Variants in GPC6 observed in about 807,000 individuals in gnomAD.
The protein encoded by GPC6 is glypican 6.
GPC6 carries 14 observed loss-of-function variants against 55.2 expected under a neutral mutation model. The observed-to-expected ratio is 0.25, with a 90% CI of 0.17 to 0.40. GPC6 has a LOEUF of 0.40. Among genes scored for constraint, GPC6 ranks in the 10% least tolerant of loss-of-function variants. GPC6 has a pLI of 1.00. For missense variants in GPC6, 641 were observed against 708.5 expected, an observed-to-expected ratio of 0.90 and a Z score of 1.08; for synonymous variants, 278 against 259.6, an observed-to-expected ratio of 1.07 and a Z score of -0.68.
rs9561540 is a variant in GPC6, at chr13:94,346,203, A to G, written c.1153-36211A>G. Among the ~76,000 whole-genome samples, 4 of 152,248 alleles carry G rather than the reference A, an allele frequency of 2.6e-5. No homozygotes were observed. In the East Asian group the frequency reaches 7.7e-4, roughly 29 times the overall value. The stretch of plus-strand genomic sequence containing the variant: ...AAAGACGTTATTTCTCACCTTCCAT[A>G]CTGAGGTTCCTGGGATTAAGACTTC... On this transcript the variant is annotated intron_variant, in intron 6 of 8. Coordinates refer to ENST00000377047, the MANE Select transcript of GPC6 (RefSeq NM_005708.5).
At chr13:93,737,087 TTTA>T (rs1884030640) in intron 2 of GPC6, among the ~76,000 whole-genome samples, 1 of 152,218 alleles carries the variant, frequency 6.6e-6, no homozygotes, top group Non-Finnish European at 1.5e-5. Context: ...GTTGTACCTT[TTTA>T]TTTTCTTTCT....
intron 2 of GPC6, among the ~76,000 whole-genome samples, 184 bp from the exon 3 acceptor site, chr13:93,829,970 C>G (rs1347450517): frequency 6.6e-6 from 1 of 152,152 alleles, no homozygotes; most frequent in Non-Finnish European, 1.5e-5. Flanking sequence ...TTGAGTTGTA[C>G]AAGGTCATAG....
chr13:93,848,382 T>C (rs1312304639), intron 3 of GPC6, among the ~76,000 whole-genome samples: 1 of 152,066 alleles, frequency 6.6e-6, no homozygotes, highest in African/African-American at 2.4e-5. Flanking sequence ...CCTCTCTATA[T>C]TTCTCCCTTT....
chr13:93,738,440 C>T (rs1282070522), intron 2 of GPC6, among the ~76,000 whole-genome samples: 1 of 152,084 alleles, frequency 6.6e-6, no homozygotes, highest in Admixed American at 6.5e-5. Flanking sequence ...ATATTAGTTT[C>T]CCATAGCTTC....
chr13:93,620,599 A>G lies in GPC6; in HGVS notation c.319+75178A>G, dbSNP rs550986581. Among the ~76,000 whole-genome samples the G allele has an allele frequency of 2.6e-5, 4 of 152,334 alleles. No homozygotes were observed. The East Asian group carries it at 5.8e-4, about 22-fold the overall frequency. On this transcript the variant is annotated intron_variant, in intron 2 of 8. Coordinates refer to ENST00000377047, the MANE Select transcript of GPC6 (RefSeq NM_005708.5). ...GATGTTTTCAATTACCATTAAGTTC[A>G]TTGTTGGTCTGATGTTAGCAGCTTA...
chr13:93,504,018 T>G (rs899525329), intron 1 of GPC6, among the ~76,000 whole-genome samples: 1 of 152,168 alleles, frequency 6.6e-6, no homozygotes, highest in Non-Finnish European at 1.5e-5. Context: ...TTTTGATTGT[T>G]TTTTGATTAA....
intron 1 of GPC6, among the ~76,000 whole-genome samples, chr13:93,266,576 A>G (rs1054702280): frequency 6.6e-6 from 1 of 152,212 alleles, no homozygotes; most frequent in East Asian, 1.9e-4. Flanking sequence ...TCCATACAGC[A>G]TAGCCTATGT....
intron 2 of GPC6, among the ~76,000 whole-genome samples, chr13:93,603,111 G>A (rs2139527069): frequency 6.6e-6 from 1 of 152,178 alleles, no homozygotes; most frequent in Non-Finnish European, 1.5e-5. Flanking sequence ...CTGGGCTCAA[G>A]CAATCTTCCC....
chr13:93,535,783 G>T (rs1303264932), intron 1 of GPC6, among the ~76,000 whole-genome samples: 1 of 151,410 alleles, frequency 6.6e-6, no homozygotes, highest in Non-Finnish European at 1.5e-5. Context: ...GCTCAGATCA[G>T]TGGAAGAGAA....
intron 1 of GPC6, among the ~76,000 whole-genome samples, chr13:93,541,438 TG>T (rs1882294814): frequency 1.2e-5 from 1 of 85,946 alleles, no homozygotes; most frequent in Admixed American, 1.4e-4. Flanking sequence ...GTTGGACATT[TG>T]GGTTGGTTCC....
chr13:93,898,966 T>TATATAC (rs1251225383), intron 3 of GPC6, among the ~76,000 whole-genome samples: 61 of 137,086 alleles, frequency 4.4e-4, no homozygotes, highest in Admixed American at 6.6e-4. Flanking sequence ...TATATATATA[T>TATATAC]ACACACACAT....
intron 1 of GPC6, among the ~76,000 whole-genome samples, chr13:93,317,073 TG>T (rs1323821128): frequency 1.3e-5 from 2 of 152,094 alleles, no homozygotes; most frequent in African/African-American, 4.8e-5. Context: ...AGTAATGTAA[TG>T]GGAGAGGCGG....
At chr13:94,012,758 T>G (rs1882299831) in intron 3 of GPC6, among the ~76,000 whole-genome samples, 1 of 152,202 alleles carries the variant, frequency 6.6e-6, no homozygotes, top group Admixed American at 6.5e-5. Flanking sequence ...CCCCTTACTT[T>G]AAAGGCAGAT....
At chr13:93,806,385 T>C (rs751559822) in intron 2 of GPC6, among the ~76,000 whole-genome samples, 2 of 152,210 alleles carry the variant, frequency 1.3e-5, no homozygotes, top group Non-Finnish European at 2.9e-5. Flanking sequence ...TCACCCAGGC[T>C]GGAGGGCAAT....
Position 93,335,901 on chromosome 13 carries a change from T to C in GPC6, c.160+108285T>C, listed in dbSNP as rs369047458. Among the ~76,000 whole-genome samples, 17 of 152,344 alleles carry C rather than the reference T, an allele frequency of 1.1e-4. No individual in the cohort carries two copies. In the East Asian group the frequency reaches 1.2e-3, roughly 10 times the overall value. ...CTTTTAGACTGCCTTGTAGTTCTATTATGGAAAAAGTGAGAAATTATTATC... is the reference window on the plus strand; with the variant it reads ...CTTTTAGACTGCCTTGTAGTTCTATCATGGAAAAAGTGAGAAATTATTATC... On this transcript the variant is annotated intron_variant, in intron 1 of 8. Coordinates refer to ENST00000377047, the MANE Select transcript of GPC6 (RefSeq NM_005708.5).
rs114189555 is a variant in GPC6 at position 93,573,344 on chromosome 13, G to A, written c.319+27923G>A. On this transcript the variant is annotated intron_variant, in intron 2 of 8. Coordinates refer to ENST00000377047, the MANE Select transcript of GPC6 (RefSeq NM_005708.5). ...TTATGGATAATGTGTAAAGTCACAT[G>A]AGACAGGCCCTCTTTCAATAGAATA... Among the ~76,000 whole-genome samples, 420 of 152,194 alleles carry A rather than the reference G, an allele frequency of 2.8e-3. 5 individuals are homozygous for A. Among genetic ancestry groups the A allele is most frequent in the African/African-American group, 9.8e-3 (408 of 41,548 alleles).
At chr13:94,088,836 A>G (rs1161380506) in intron 4 of GPC6, among the ~76,000 whole-genome samples, 11 of 152,148 alleles carry the variant, frequency 7.2e-5, no homozygotes, top group Admixed American at 2.6e-4. Flanking sequence ...ACTTTACACA[A>G]TTATGTGATG....
intron 2 of GPC6, among the ~76,000 whole-genome samples, chr13:93,677,446 T>G (rs1881678198): frequency 6.6e-6 from 1 of 152,056 alleles, no homozygotes; most frequent in Non-Finnish European, 1.5e-5. Context: ...TAAAGGAAGT[T>G]ATAGTTTCTC....
At chr13:94,071,316 G>T (rs1012104653) in intron 4 of GPC6, among the ~76,000 whole-genome samples, 1 of 152,156 alleles carries the variant, frequency 6.6e-6, no homozygotes, top group Non-Finnish European at 1.5e-5. Context: ...AGCATGTGGT[G>T]TATATTATAG....
Sources: allele counts gnomAD v4.1 joint callset (sites outside exome capture counted in the v4.1 genomes callset), GRCh38; gene constraint gnomAD v4.1.1; transcripts MANE v1.5; gene names NCBI Gene and HGNC (gene_info 2026-07-23, HGNC 2026-07-21).